MTUS2: variants seen among roughly 807,000 people sequenced by gnomAD.
The protein encoded by MTUS2 is microtubule-associated tumor suppressor candidate 2.
MTUS2 carries 40 observed loss-of-function variants against 114.1 expected under a neutral mutation model. The ratio of observed to expected loss-of-function variants is 0.35; its 90% CI spans 0.27 to 0.46. The LOEUF (loss-of-function observed/expected upper bound fraction) is 0.46. Among genes scored for constraint, MTUS2 ranks in the 20% least tolerant of loss-of-function variants. The probability of loss-of-function intolerance (pLI) is 1.00; values close to 1 mark genes in which losing one functional copy is unlikely to be tolerated. For synonymous variants in MTUS2, 688 were observed against 672.0 expected (o/e 1.02, Z -0.37); for missense variants, 1,679 against 1,705.4 (o/e 0.98, Z 0.27).
chr13:28,849,307 A>G (rs1424934941), intron 2 of MTUS2, among the ~76,000 whole-genome samples: 3 of 152,212 alleles, frequency 2.0e-5, no homozygotes, highest in Non-Finnish European at 2.9e-5. Context: ...AGGTCAGTAA[A>G]AATAAGACAC....
chr13:29,163,187 A>G (rs1566040901), intron 5 of MTUS2, among the ~76,000 whole-genome samples: 1 of 152,224 alleles, frequency 6.6e-6, no homozygotes, highest in Non-Finnish European at 1.5e-5. Flanking sequence ...AAAGTTAAAA[A>G]TAACATTAAA....
At chr13:28,968,273 A>C (rs1391807841) in intron 2 of MTUS2, among the ~76,000 whole-genome samples, 2 of 152,212 alleles carry the variant, frequency 1.3e-5, no homozygotes, top group Non-Finnish European at 2.9e-5. Context: ...CCAAAGTACA[A>C]AATAAAGGCC....
At chr13:29,099,571 AT>A (rs552214593) in intron 4 of MTUS2, among the ~76,000 whole-genome samples, 4 of 151,566 alleles carry the variant, frequency 2.6e-5, no homozygotes, top group African/African-American at 7.3e-5. Context: ...TAGACGTGGA[AT>A]TTTTTTTTCA....
chr13:29,191,726 G>A (rs1228737741), intron 5 of MTUS2, among the ~76,000 whole-genome samples: 2 of 152,148 alleles, frequency 1.3e-5, no homozygotes, highest in Non-Finnish European at 2.9e-5. Context: ...GACAGCCTTT[G>A]TAATCAGCCC....
rs1566173151 is a variant in MTUS2 at position 29,389,463 on chromosome 13, A to ATGTATACACG, written c.3117+29993_3117+29994insATACACGTGT. On this transcript the variant is annotated intron_variant, in intron 8 of 15. Transcript: ENST00000612955. ...TATGTGTATGTATACACGTGTGTGT[A>ATGTATACACG]TGTGTATATGTATACACGTGTGTGT... Among the ~76,000 whole-genome samples, 23 of 46,280 alleles carry ATGTATACACG rather than the reference A, an allele frequency of 5.0e-4. 4 individuals carry two copies. Among genetic ancestry groups the ATGTATACACG allele is most frequent in the Non-Finnish European group, 6.9e-4 (11 of 15,956 alleles). 30.4% of individuals were successfully genotyped at this position (46,280 alleles called of 152,430 possible). A position where few individuals can be genotyped will look rare whatever the true frequency, so the allele number is the denominator to read the frequency against.
At chr13:29,502,258 A>G (rs1255018971) in intron 15 of MTUS2, among the ~76,000 whole-genome samples, 1 of 152,250 alleles carries the variant, frequency 6.6e-6, no homozygotes, top group Non-Finnish European at 1.5e-5. Flanking sequence ...TTTAAAATGC[A>G]TATGTACTTA....
At chr13:29,285,034 G>A (rs1377626626) in intron 6 of MTUS2, among the ~76,000 whole-genome samples, 1 of 151,856 alleles carries the variant, frequency 6.6e-6, no homozygotes, top group Non-Finnish European at 1.5e-5. Context: ...TAAAAACTAT[G>A]AGGATTCTGT....
chr13:28,917,178 G>A (rs1250782186), intron 2 of MTUS2, among the ~76,000 whole-genome samples: 1 of 151,808 alleles, frequency 6.6e-6, no homozygotes, highest in African/African-American at 2.4e-5. Flanking sequence ...ATTTTGTTGA[G>A]TATTTTTACA....
chr13:29,461,854 T>C (rs1879520504), intron 9 of MTUS2, among the ~76,000 whole-genome samples: 3 of 152,208 alleles, frequency 2.0e-5, no homozygotes. Context: ...GAAGCTTGGC[T>C]AAGGCGCTCT....
At chr13:29,217,921 C>A (rs1448824736) in intron 5 of MTUS2, among the ~76,000 whole-genome samples, 2 of 152,086 alleles carry the variant, frequency 1.3e-5, no homozygotes, top group South Asian at 4.1e-4. Flanking sequence ...AGTTGGAGAC[C>A]AGCCTGGGCA....
At chr13:29,097,513 T>C (rs1455134687) in intron 4 of MTUS2, among the ~76,000 whole-genome samples, 1 of 152,236 alleles carries the variant, frequency 6.6e-6, no homozygotes, top group East Asian at 1.9e-4. Flanking sequence ...TATTCTTGAA[T>C]AGTCCAAGAA....
chr13:29,425,140 G>T (rs1390090152), intron 8 of MTUS2, among the ~76,000 whole-genome samples: 1 of 152,176 alleles, frequency 6.6e-6, no homozygotes. Context: ...CAGACCAGGT[G>T]CAGTGGCTCA....
intron 4 of MTUS2, among the ~76,000 whole-genome samples, chr13:29,052,459 C>CAAAAAAA (rs11325314): frequency 3.8e-4 from 36 of 94,832 alleles, no homozygotes; most frequent in Non-Finnish European, 5.3e-4. Context: ...CTAGCCTGAG[C>CAAAAAAA]AAAAAAAAAA....
intron 2 of MTUS2, among the ~76,000 whole-genome samples, chr13:28,880,076 G>T (rs568174515): frequency 6.6e-6 from 1 of 152,236 alleles, no homozygotes; most frequent in East Asian, 1.9e-4. Context: ...GTCAATTTTT[G>T]TTGATACTTC....
At chr13:28,943,639 A>G (rs1472812454) in intron 2 of MTUS2, among the ~76,000 whole-genome samples, 1 of 152,190 alleles carries the variant, frequency 6.6e-6, no homozygotes, top group African/African-American at 2.4e-5. Flanking sequence ...CTGCTCAGAA[A>G]GAGGAATTTT....
At chr13:29,165,414 A>G (rs1345732808) in intron 5 of MTUS2, among the ~76,000 whole-genome samples, 1 of 152,194 alleles carries the variant, frequency 6.6e-6, no homozygotes, top group African/African-American at 2.4e-5. Context: ...GTTACATTTA[A>G]GATCATTCTA....
intron 5 of MTUS2, among the ~76,000 whole-genome samples, chr13:29,115,111 G>A (rs970215913): frequency 1.3e-5 from 2 of 152,142 alleles, no homozygotes; most frequent in Non-Finnish European, 2.9e-5. Flanking sequence ...TTTATCTGCT[G>A]GCAGGTACTA....
At chr13:29,441,363 C>A (rs998698315) in intron 9 of MTUS2, among the ~76,000 whole-genome samples, 5 of 152,198 alleles carry the variant, frequency 3.3e-5, no homozygotes, top group African/African-American at 1.2e-4. Context: ...CCACTCCCCG[C>A]AGACGCTTGC....
At chr13:28,878,985 G>C (rs1425194472) in intron 2 of MTUS2, among the ~76,000 whole-genome samples, 1 of 152,094 alleles carries the variant, frequency 6.6e-6, no homozygotes, top group African/African-American at 2.4e-5. Context: ...AACCTCACCA[G>C]CATCTGTTGT....
Sources: allele counts gnomAD v4.1 joint callset (sites outside exome capture counted in the v4.1 genomes callset), GRCh38; gene constraint gnomAD v4.1.1; transcripts MANE v1.5; gene names NCBI Gene and HGNC (gene_info 2026-07-23, HGNC 2026-07-21).